SRFBP1: variants seen among roughly 807,000 people sequenced by gnomAD.
SRFBP1 encodes serum response factor-binding protein 1.
In SRFBP1, 47 loss-of-function variants were observed where a neutral mutation model predicts 45.5. That is an observed-to-expected ratio of 1.03 (90% CI 0.82 to 1.32). The LOEUF is 1.32. Ranked by LOEUF, SRFBP1 falls within the 40% of genes most tolerant of loss-of-function variation. SRFBP1 has a pLI of 0.00. For missense variants in SRFBP1, 621 were observed against 484.6 expected (o/e 1.28, Z -2.64); for synonymous variants, 203 against 166.3 (o/e 1.22, Z -1.70).
intron 7 of SRFBP1, among the ~76,000 whole-genome samples, chr5:122,024,971 A>G (rs1456560094): frequency 3.9e-5 from 6 of 151,914 alleles, no homozygotes; most frequent in Admixed American, 2.6e-4. Flanking sequence ...TATTTTTATT[A>G]TTATTACACT....
chr5:122,026,715 A>G (rs970455943), intron 7 of SRFBP1, among the ~76,000 whole-genome samples: 3 of 152,148 alleles, frequency 2.0e-5, no homozygotes, highest in South Asian at 2.1e-4. Context: ...CACTCAATAA[A>G]CATCTACTTA....
intron 3 of SRFBP1, among the ~76,000 whole-genome samples, chr5:121,976,754 A>T (rs1037413568): frequency 6.0e-5 from 9 of 149,276 alleles, no homozygotes; most frequent in African/African-American, 2.2e-4. Context: ...TATATATATA[A>T]TATATATATG....
At chr5:121,995,933 G>A (rs955433962) in intron 4 of SRFBP1, among the ~76,000 whole-genome samples, 14 of 152,032 alleles carry the variant, frequency 9.2e-5, no homozygotes, top group African/African-American at 3.4e-4. Flanking sequence ...TAAATTCCTC[G>A]ACACATACAC....
chr5:122,030,217 A>G (rs1271555314), downstream of SRFBP1, among the ~76,000 whole-genome samples: 1 of 152,266 alleles, frequency 6.6e-6, no homozygotes, highest in Non-Finnish European at 1.5e-5. Context: ...TCAGAACTCT[A>G]GAATTAACCA....
Position 122,005,866 on chromosome 5 carries a change from A to T in SRFBP1, c.270+11196A>T, listed in dbSNP as rs78735386. Among the ~76,000 whole-genome samples the T allele has an allele frequency of 1.2e-3, 177 of 152,284 alleles. 1 individual carries two copies. In the East Asian group the frequency reaches 0.03, roughly 26 times the overall value. ...TAATTTACGTGTATATTCTTTAACA[A>T]ACTGTTGTAGCTAACAATATTTTAA... On this transcript the variant is annotated intron_variant, in intron 4 of 7. Coordinates refer to ENST00000339397, the MANE Select transcript of SRFBP1 (RefSeq NM_152546.3).
At chr5:122,007,607 AGGGGCAGGCCC>A (rs1753004926) in intron 4 of SRFBP1, among the ~76,000 whole-genome samples, 1 of 151,706 alleles carries the variant, frequency 6.6e-6, no homozygotes, top group African/African-American at 2.4e-5. Flanking sequence ...CTACAGCCTC[AGGGGCAGGCCC>A]GGGACCTGTG....
chr5:122,016,003 T>G (rs28501242), intron 4 of SRFBP1, among the ~76,000 whole-genome samples: 17,787 of 152,214 alleles, frequency 0.12, 1,137 homozygotes, highest in Non-Finnish European at 0.14. Flanking sequence ...ATTTATTGAT[T>G]ATGTTATTGT....
chr5:122,020,683 A>C lies in SRFBP1; in HGVS notation c.948A>C (p.Lys316Asn). 1 of 1,613,904 alleles carries C rather than the reference A, an allele frequency of 6.2e-7. No homozygotes were observed. Reference sequence around the variant, plus strand: ...AACCACTAGAAAAAGTGTTTCTTAAAGAAGATACAGGTGAAACTCATGGGG... The same window carrying C: ...AACCACTAGAAAAAGTGTTTCTTAACGAAGATACAGGTGAAACTCATGGGG... ...EQKPLEKVFL[K>N]EDTGETHGDT... The change falls in exon 6 of 8, where the codon AAA (lysine) becomes AAC (asparagine). Residue 316 changes from lysine to asparagine, a missense_variant. Lys to Asn is a moderately conservative substitution (Grantham distance 94). Transcript: ENST00000339397.
intron 2 of SRFBP1, among the ~76,000 whole-genome samples, chr5:122,036,857 G>A (rs1753701745): frequency 6.6e-6 from 1 of 151,206 alleles, no homozygotes; most frequent in Non-Finnish European, 1.5e-5. Context: ...GATAAACGAT[G>A]AGTATGAATA....
Position 122,027,157 on chromosome 5 carries a change from T to TG in SRFBP1, c.*31_*32insG. ...GCCTCTTTCTGCAAACTTTTCCATC[T>TG]AAAAAAAAAAATGTTTTTTTTAAGA... On this transcript the variant is annotated 3_prime_UTR_variant, in exon 8 of 8. Coordinates refer to ENST00000339397, the MANE Select transcript of SRFBP1 (RefSeq NM_152546.3). The TG allele has an allele frequency of 7.8e-7, 1 of 1,275,670 alleles. No individual in the cohort carries two copies. The highest frequency in any genetic ancestry group is 1.1e-6 in the Non-Finnish European group (1 of 941,550). The allele number at this position is 1,275,670 out of a possible 1,614,324, so 79.0% of individuals were successfully genotyped here.
intron 2 of SRFBP1, among the ~76,000 whole-genome samples, chr5:121,974,494 C>T (rs1310098977): frequency 6.6e-6 from 1 of 151,864 alleles, no homozygotes; most frequent in Non-Finnish European, 1.5e-5. Context: ...GCTCAAGATA[C>T]AGGATGAATT....
intron 3 of SRFBP1, among the ~76,000 whole-genome samples, chr5:121,979,357 A>G (rs866944768): frequency 6.6e-6 from 1 of 152,164 alleles, no homozygotes; most frequent in South Asian, 2.1e-4. Flanking sequence ...AGTTTTTTCT[A>G]TAGTTTCACA....
At position 121,963,758 on chromosome 5, in the gene SRFBP1, A is replaced by G. The variant is rs191217328; in HGVS notation, c.36+1690A>G. ...ATGAATTTGTGAAAGCAGGAACTAC[A>G]CACATCCACCACTGAAGTCTAGTGT... On this transcript the variant is annotated intron_variant, in intron 1 of 7. Coordinates refer to ENST00000339397, the MANE Select transcript of SRFBP1 (RefSeq NM_152546.3). Among the ~76,000 whole-genome samples the G allele has an allele frequency of 3.9e-4, 60 of 152,308 alleles. 1 individual carries two copies. In the East Asian group the frequency reaches 0.011, roughly 28 times the overall value.
intron 2 of SRFBP1, among the ~76,000 whole-genome samples, chr5:122,034,611 G>A (rs78513495): frequency 0.044 from 6,692 of 151,698 alleles, 170 homozygotes; most frequent in African/African-American, 0.059. Context: ...AGAACATACA[G>A]CACAAAACAA....
chr5:122,019,265 T>C lies in SRFBP1; in HGVS notation c.276T>C (p.Asp92=). The C allele has an allele frequency of 1.9e-6, 3 of 1,611,978 alleles. No homozygotes were observed. Among genetic ancestry groups the C allele is most frequent in the Middle Eastern group, 1.7e-4 (1 of 6,042 alleles). The change falls in exon 5 of 8, where the codon GAT becomes GAC. Residue 92 remains aspartate, a synonymous_variant. Transcript: ENST00000339397. ...INFEKIFKKP[D]STATERAIAR... is the part of the protein sequence containing the mutation. ...TTATATTTTTAAATTTGCAGCCAGA[T>C]TCTACTGCAACTGAAAGAGCAATTG...
chr5:122,058,949 T>G (rs968649978), intron 2 of SRFBP1, among the ~76,000 whole-genome samples: 14 of 152,148 alleles, frequency 9.2e-5, no homozygotes, highest in Admixed American at 7.2e-4. Context: ...ATCCAATTCT[T>G]AGATTTTTCT....
chr5:121,994,202 G>A (rs1340145458), intron 3 of SRFBP1, among the ~76,000 whole-genome samples: 1 of 151,896 alleles, frequency 6.6e-6, no homozygotes, highest in Non-Finnish European at 1.5e-5. Flanking sequence ...AGTCATAAAT[G>A]TTATCTTCTT....
At chr5:121,994,959 C>T (rs565794223) in intron 4 of SRFBP1, among the ~76,000 whole-genome samples, 1 of 151,896 alleles carries the variant, frequency 6.6e-6, no homozygotes, top group African/African-American at 2.4e-5. Flanking sequence ...AACTAAGATG[C>T]ATTCAACAAG....
rs1752145206 is a variant in SRFBP1, at chr5:121,969,474, TG to T, written c.37-4721del. On this transcript the variant is annotated intron_variant, in intron 1 of 7. Coordinates refer to ENST00000339397, the MANE Select transcript of SRFBP1 (RefSeq NM_152546.3). ...TTTGCCTCTCTGTGGTTTCCTTTCC[TG>T]TGTTTATGTTGACTCTTCTGAGTCA... 3.3e-5 allele frequency among the ~76,000 whole-genome samples: 5 copies of T among 152,202 alleles called. No individual in the cohort carries two copies. The South Asian group carries it at 1.0e-3, about 32-fold the overall frequency.
Sources: gnomAD v4.1 joint callset for allele counts (sites outside exome capture counted in the v4.1 genomes callset) on GRCh38, gnomAD v4.1.1 for gene constraint, MANE v1.5 for transcripts, NCBI Gene and HGNC (gene_info 2026-07-23, HGNC 2026-07-21) for gene names.